Variants in CRTAC1 observed in about 807,000 individuals in gnomAD.
CRTAC1 encodes the protein cartilage acidic protein 1.
In CRTAC1, 37 loss-of-function variants were observed where a neutral mutation model predicts 67.8. The observed-to-expected ratio is 0.55, with a 90% confidence interval of 0.42 to 0.72. The LOEUF (loss-of-function observed/expected upper bound fraction) is 0.72. Among genes scored for constraint, CRTAC1 ranks in the 30% least tolerant of loss-of-function variants. The pLI, the probability that CRTAC1 is intolerant of heterozygous loss-of-function variation, is 0.00. For synonymous variants in CRTAC1, 348 were observed against 371.0 expected (o/e 0.94, Z 0.71); for missense variants, 780 against 931.6 (o/e 0.84, Z 2.12).
At chr10:97,918,598 AG>A (rs1283447660) in intron 4 of CRTAC1, among the ~76,000 whole-genome samples, 1 of 152,220 alleles carries the variant, frequency 6.6e-6, no homozygotes, top group Non-Finnish European at 1.5e-5. Flanking sequence ...CCCTGACCGT[AG>A]GTTGCTTGTA....
At chr10:97,939,371 G>C (rs1282297350) in intron 2 of CRTAC1, among the ~76,000 whole-genome samples, 1 of 152,180 alleles carries the variant, frequency 6.6e-6, no homozygotes. Context: ...ATCAGTTACT[G>C]AGTGAGCACA....
At chr10:97,898,988 A>G (rs551932586) in intron 8 of CRTAC1, among the ~76,000 whole-genome samples, 2 of 152,172 alleles carry the variant, frequency 1.3e-5, no homozygotes, top group South Asian at 2.1e-4. Flanking sequence ...TGCTGCAGGT[A>G]TCATTAAAGG....
chr10:97,933,587 A>G (rs1179369533), intron 3 of CRTAC1, among the ~76,000 whole-genome samples: 1 of 152,264 alleles, frequency 6.6e-6, no homozygotes, highest in Non-Finnish European at 1.5e-5. Flanking sequence ...CTTAGAGTCC[A>G]GGCAGAGGAT....
intron 2 of CRTAC1, among the ~76,000 whole-genome samples, chr10:97,984,610 A>T (rs1173541431): frequency 1.3e-5 from 2 of 152,216 alleles, no homozygotes; most frequent in Admixed American, 1.3e-4. Context: ...GTGTTCTTGC[A>T]TGACGTGGAA....
Position 97,865,133 on chromosome 10 carries a change from C to T in CRTAC1, c.*415G>A, listed in dbSNP as rs2050004950. The T allele has an allele frequency of 1.2e-5, 2 of 161,426 alleles. No individual in the cohort carries two copies. The highest frequency in any genetic ancestry group is 1.3e-4 in the Admixed American group (2 of 15,694). 10.0% of individuals were successfully genotyped at this position (161,426 alleles called of 1,614,324 possible). ...AACCCCAAGATTCTATTCTTAATCCCCATTTTGCAGATGCGATAATGGATG... is the reference window on the plus strand; with the variant it reads ...AACCCCAAGATTCTATTCTTAATCCTCATTTTGCAGATGCGATAATGGATG... On this transcript the variant is annotated 3_prime_UTR_variant, in exon 15 of 15. Transcript: ENST00000370597.
At chr10:98,004,055 C>T (rs1352857695) in intron 2 of CRTAC1, among the ~76,000 whole-genome samples, 4 of 152,158 alleles carry the variant, frequency 2.6e-5, no homozygotes, top group African/African-American at 4.8e-5. Context: ...CCAATTAATA[C>T]GTATTAGCAT....
chr10:97,930,013 C>T (rs1564899299), intron 3 of CRTAC1, among the ~76,000 whole-genome samples: 1 of 152,252 alleles, frequency 6.6e-6, no homozygotes. Context: ...TTCCTTCCCT[C>T]ATCCCAAGGT....
At chr10:98,000,296 G>C (rs902550432) in intron 2 of CRTAC1, among the ~76,000 whole-genome samples, 6 of 152,156 alleles carry the variant, frequency 3.9e-5, no homozygotes, top group Admixed American at 1.3e-4. Context: ...GGATCTCCTC[G>C]AGCCACGGCT....
At chr10:97,896,883 G>A in intron 9 of CRTAC1, 26 bp downstream of exon 9, 1 of 1,330,914 alleles carries the variant, frequency 7.5e-7, no homozygotes. Context: ...GGGCAGTGCA[G>A]GCCAGATCCC....
chr10:97,941,716 C>T (rs1015985813), intron 2 of CRTAC1, among the ~76,000 whole-genome samples: 2 of 152,196 alleles, frequency 1.3e-5, no homozygotes, highest in African/African-American at 4.8e-5. Flanking sequence ...CTTTCCTCCT[C>T]CACTGCCACC....
chr10:97,926,990 C>T (rs552400335), intron 3 of CRTAC1, among the ~76,000 whole-genome samples: 2 of 152,208 alleles, frequency 1.3e-5, no homozygotes, highest in East Asian at 1.9e-4. Context: ...AGCTTCATCC[C>T]TGAGATGCCT....
At chr10:97,897,101 G>A in intron 8 of CRTAC1, 110 bp from the exon 9 acceptor site, 3 of 718,604 alleles carry the variant, frequency 4.2e-6, no homozygotes, top group South Asian at 4.0e-5. Flanking sequence ...CAATGTGCAT[G>A]GGCTACCACC....
chr10:97,903,025 C>T (rs1382905216), intron 7 of CRTAC1, among the ~76,000 whole-genome samples: 1 of 151,798 alleles, frequency 6.6e-6, no homozygotes, highest in Non-Finnish European at 1.5e-5. Flanking sequence ...CTATTCGATG[C>T]CTGAGCTTCC....
intron 14 of CRTAC1, among the ~76,000 whole-genome samples, chr10:97,876,158 T>C (rs17108650): frequency 0.03 from 4,633 of 152,140 alleles, 231 homozygotes; most frequent in African/African-American, 0.1. Flanking sequence ...CAATTCACCA[T>C]CCCAAATGAA....
At chr10:98,009,598 G>T (rs1284409499) in intron 2 of CRTAC1, among the ~76,000 whole-genome samples, 2 of 152,186 alleles carry the variant, frequency 1.3e-5, no homozygotes, top group Admixed American at 6.5e-5. Flanking sequence ...ATAGATACTA[G>T]GTTGGCTACG....
At chr10:97,997,310 AG>A (rs1351231260) in intron 2 of CRTAC1, among the ~76,000 whole-genome samples, 1 of 147,998 alleles carries the variant, frequency 6.8e-6, no homozygotes, top group East Asian at 1.9e-4. Flanking sequence ...AAAATTAGCC[AG>A]GTGTGATGGC....
intron 1 of CRTAC1, among the ~76,000 whole-genome samples, chr10:98,024,338 T>C (rs1843181692): frequency 6.6e-6 from 1 of 152,240 alleles, no homozygotes; most frequent in Non-Finnish European, 1.5e-5. Flanking sequence ...AAATGTCCCT[T>C]GGAAGAGCTC....
intron 11 of CRTAC1, among the ~76,000 whole-genome samples, chr10:97,890,431 A>G (rs1237494780): frequency 6.6e-6 from 1 of 152,032 alleles, no homozygotes; most frequent in Non-Finnish European, 1.5e-5. Flanking sequence ...TAAGAGGGGG[A>G]AAAAAAGCAA....
In CRTAC1 at chr10:97,963,866, G is replaced by A. The variant is rs117920745; in HGVS notation, c.225-27500C>T. ...TTTACAGAAGAAGAAATTGAGGCTC[G>A]GAGAGGTTGTGTAACTTGTGTAAGG... is the stretch of plus-strand genomic sequence containing the variant. On this transcript the variant is annotated intron_variant, in intron 2 of 14. Coordinates refer to ENST00000370597, the MANE Select transcript of CRTAC1 (RefSeq NM_018058.7). Among the ~76,000 whole-genome samples the A allele has an allele frequency of 1.2e-3, 189 of 152,322 alleles. 1 individual carries two copies. In the East Asian group the frequency reaches 0.024, roughly 19 times the overall value.
Sources: gnomAD v4.1 joint callset for allele counts (sites outside exome capture counted in the v4.1 genomes callset) on GRCh38, gnomAD v4.1.1 for gene constraint, MANE v1.5 for transcripts, NCBI Gene and HGNC (gene_info 2026-07-23, HGNC 2026-07-21) for gene names.